Variants in CYB5A observed in about 807,000 individuals in gnomAD.
CYB5A encodes the protein cytochrome b5.
In CYB5A, 10 loss-of-function variants were observed where a neutral mutation model predicts 16.2. The ratio of observed to expected loss-of-function variants is 0.62; its 90% CI spans 0.38 to 1.04. The LOEUF (loss-of-function observed/expected upper bound fraction) is 1.04, where lower values mean the gene tolerates loss of function less well. Ranked by LOEUF, CYB5A falls within the 50% of genes least tolerant of loss-of-function variation. The pLI, the probability that CYB5A is intolerant of heterozygous loss-of-function variation, is 0.01. For synonymous variants in CYB5A, 62 were observed against 57.0 expected (o/e 1.09, Z -0.40); for missense variants, 161 against 165.9 (o/e 0.97, Z 0.16).
chr18:74,252,302 C>G lies in CYB5A; in HGVS notation c.*1282G>C, dbSNP rs181955610. 1.3e-5 allele frequency: 2 copies of G among 152,254 alleles called. No homozygotes were observed. Among genetic ancestry groups the G allele is most frequent in the Non-Finnish European group, 2.9e-5 (2 of 68,036 alleles). 9.4% of individuals were successfully genotyped at this position (152,254 alleles called of 1,614,324 possible). On this transcript the variant is annotated 3_prime_UTR_variant, in exon 5 of 5. Transcript: ENST00000340533. Reference sequence around the variant, plus strand: ...CTAACAAATTCAGCTTTCAAGTTTCCACATTTAAAAGAATAACACATAAGG... The same window carrying G: ...CTAACAAATTCAGCTTTCAAGTTTCGACATTTAAAAGAATAACACATAAGG...
chr18:74,290,302 T>C (rs1464089641), intron 1 of CYB5A, among the ~76,000 whole-genome samples: 1 of 152,236 alleles, frequency 6.6e-6, no homozygotes, highest in East Asian at 1.9e-4. Flanking sequence ...TGGAGCAAAG[T>C]GGTGCGATTT....
At chr18:74,274,515 G>A (rs1299673434) in intron 1 of CYB5A, among the ~76,000 whole-genome samples, 2 of 152,172 alleles carry the variant, frequency 1.3e-5, no homozygotes, top group African/African-American at 4.8e-5. Flanking sequence ...GAAAGAAAAT[G>A]CTGTGGGTAA....
chr18:74,266,433 T>C (rs1982438564), intron 1 of CYB5A, among the ~76,000 whole-genome samples: 1 of 152,164 alleles, frequency 6.6e-6, no homozygotes, highest in Non-Finnish European at 1.5e-5. Flanking sequence ...TCAATCATTA[T>C]TTGCCAGGGA....
intron 1 of CYB5A, among the ~76,000 whole-genome samples, chr18:74,281,488 C>A (rs991942148): frequency 4.6e-5 from 7 of 152,022 alleles, no homozygotes; most frequent in Admixed American, 3.3e-4. Context: ...AGGAGGGAAC[C>A]AGGAGAGGAT....
In CYB5A at chr18:74,253,677, CA is replaced by C; in HGVS notation, c.324-13del. ...AGTTGGTCCACCAACTAGAAAGACA[CA>C]AAAAGCAATGATGCTGACATGATGT... On this transcript the variant is annotated splice_polypyrimidine_tract_variant and intron_variant, in intron 4 of 4. Coordinates refer to ENST00000340533, the MANE Select transcript of CYB5A (RefSeq NM_148923.4). The C allele has an allele frequency of 6.3e-7, 1 of 1,596,604 alleles. No individual in the cohort carries two copies. The highest frequency in any genetic ancestry group is 1.1e-5 in the South Asian group (1 of 90,602).
intron 3 of CYB5A, chr18:74,260,145 G>C (rs1982142325): frequency 6.6e-6 from 1 of 152,364 alleles, no homozygotes; most frequent in Non-Finnish European, 1.5e-5. Flanking sequence ...GTGGGGTCTT[G>C]CTGTTGCACT....
chr18:74,271,668 G>A (rs532155357), intron 1 of CYB5A, among the ~76,000 whole-genome samples: 1 of 152,084 alleles, frequency 6.6e-6, no homozygotes, highest in Non-Finnish European at 1.5e-5. Flanking sequence ...GTGTGTGTGT[G>A]TGTCTGTGTG....
chr18:74,257,220 C>T (rs560247436), intron 3 of CYB5A: 9 of 286,576 alleles, frequency 3.1e-5, no homozygotes, highest in Admixed American at 4.9e-5. Context: ...AACTCTGGAA[C>T]CTCCCACCTG....
At chr18:74,282,485 G>C (rs1013351882) in intron 1 of CYB5A, among the ~76,000 whole-genome samples, 5 of 152,140 alleles carry the variant, frequency 3.3e-5, no homozygotes, top group African/African-American at 1.2e-4. Flanking sequence ...TTCCATCCCC[G>C]GAAGAGTGAC....
chr18:74,256,571 G>C (rs1981990974), intron 3 of CYB5A: 1 of 509,504 alleles, frequency 2.0e-6, no homozygotes, highest in Non-Finnish European at 3.4e-6. Context: ...TCAACTTTTT[G>C]GGGCTTGAAA....
chr18:74,285,749 T>C lies in CYB5A; in HGVS notation c.129+5998A>G, dbSNP rs142927240. 2.3e-3 allele frequency among the ~76,000 whole-genome samples: 344 copies of C among 149,632 alleles called. 2 individuals are homozygous for C. Among genetic ancestry groups the C allele is most frequent in the African/African-American group, 7.9e-3 (318 of 40,474 alleles). On this transcript the variant is annotated intron_variant, in intron 1 of 4. Coordinates refer to ENST00000340533, the MANE Select transcript of CYB5A (RefSeq NM_148923.4). ...GGTGGCTCATGCCTGTGGTCCCAGC[T>C]ATTCCAGAGGGAGGACTGGTTGAGC... is the stretch of plus-strand genomic sequence containing the variant.
chr18:74,275,492 T>G (rs1226723838), intron 1 of CYB5A, among the ~76,000 whole-genome samples: 1 of 152,188 alleles, frequency 6.6e-6, no homozygotes. Context: ...CACACAGCTC[T>G]GGTGGCAAAG....
At chr18:74,254,683 C>A (rs1981903430) in intron 4 of CYB5A, among the ~76,000 whole-genome samples, 1 of 151,748 alleles carries the variant, frequency 6.6e-6, no homozygotes. Flanking sequence ...CCATGCCCGG[C>A]TAATTTTTTT....
chr18:74,291,621 G>A, intron 1 of CYB5A, 126 bp downstream of exon 1: 2 of 1,426,346 alleles, frequency 1.4e-6, no homozygotes, highest in Non-Finnish European at 1.9e-6. Flanking sequence ...GCGCAGGTGA[G>A]CGAACTCGGG....
intron 1 of CYB5A, among the ~76,000 whole-genome samples, chr18:74,284,497 T>C (rs1983245005): frequency 6.6e-6 from 1 of 152,166 alleles, no homozygotes; most frequent in Non-Finnish European, 1.5e-5. Flanking sequence ...GAAGTCTGGA[T>C]ATATTTTGTG....
intron 1 of CYB5A, among the ~76,000 whole-genome samples, chr18:74,283,880 C>T (rs911734818): frequency 1.3e-5 from 2 of 152,152 alleles, no homozygotes; most frequent in African/African-American, 2.4e-5. Context: ...TAAGACATAC[C>T]GTCTTACCTT....
chr18:74,267,860 G>A (rs892940269), intron 1 of CYB5A, among the ~76,000 whole-genome samples: 4 of 152,160 alleles, frequency 2.6e-5, no homozygotes, highest in Non-Finnish European at 5.9e-5. Flanking sequence ...CTACTCATGC[G>A]ACCATGTGTG....
At chr18:74,289,776 CAAAAAAAA>C (rs531814328) in intron 1 of CYB5A, among the ~76,000 whole-genome samples, 7 of 91,212 alleles carry the variant, frequency 7.7e-5, no homozygotes, top group East Asian at 3.0e-4. Flanking sequence ...AACTCTGTCT[CAAAAAAAA>C]AAAAAAAAAA....
intron 1 of CYB5A, among the ~76,000 whole-genome samples, chr18:74,280,734 T>A (rs1983065148): frequency 6.6e-6 from 1 of 152,200 alleles, no homozygotes; most frequent in Admixed American, 6.5e-5. Context: ...ATCCTTCCTC[T>A]ATCGACTTGC....
Sources: gnomAD v4.1 joint callset for allele counts (sites outside exome capture counted in the v4.1 genomes callset) on GRCh38, gnomAD v4.1.1 for gene constraint, MANE v1.5 for transcripts, NCBI Gene and HGNC (gene_info 2026-07-23, HGNC 2026-07-21) for gene names.